The following IL1RAPL1 variants were observed in gnomAD, a reference collection of about 807,000 sequenced individuals.
IL1RAPL1 encodes the protein interleukin 1 receptor accessory protein like 1, also known as interleukin-1 receptor accessory protein-like 1.
IL1RAPL1 carries 3 observed loss-of-function variants against 48.4 expected under a neutral mutation model. That is an observed-to-expected ratio of 0.06 (90% CI 0.03 to 0.16). The LOEUF is 0.16. IL1RAPL1 is among the 10% of genes least tolerant of loss of function. The pLI is 1.00. For missense variants in IL1RAPL1, 349 were observed against 530.6 expected (o/e 0.66, Z 3.36); for synonymous variants, 185 against 187.7 (o/e 0.99, Z 0.12).
chrX:29,323,044 C>A (rs1932814787), intron 3 of IL1RAPL1, among the ~76,000 whole-genome samples: 1 of 112,090 alleles, frequency 8.9e-6, no homozygotes, highest in African/African-American at 3.2e-5. Context: ...TGATCACAGC[C>A]AACCTCACGT....
chrX:29,236,773 G>C (rs1931316319), intron 2 of IL1RAPL1, among the ~76,000 whole-genome samples: 1 of 102,227 alleles, frequency 9.8e-6, no homozygotes. Context: ...GTTTCACCGT[G>C]TTAGCCAGGA....
chrX:29,532,497 T>G (rs1369862336), intron 5 of IL1RAPL1, among the ~76,000 whole-genome samples: 3 of 111,656 alleles, frequency 2.7e-5, no homozygotes, highest in Non-Finnish European at 5.6e-5. Flanking sequence ...AGGTAGGGCC[T>G]CTGACACTAA....
At chrX:29,619,857 G>T (rs1173605982) in intron 5 of IL1RAPL1, among the ~76,000 whole-genome samples, 2 of 111,474 alleles carry the variant, frequency 1.8e-5, no homozygotes, top group Non-Finnish European at 3.8e-5. Flanking sequence ...TACATTTTCT[G>T]AAAGGCTTCC....
intron 6 of IL1RAPL1, among the ~76,000 whole-genome samples, chrX:29,802,899 ATATGTGTATATATGTG>A (rs1569173077): frequency 3.6e-4 from 22 of 60,964 alleles, no homozygotes; most frequent in African/African-American, 1.6e-3. Flanking sequence ...GTATACATAT[ATATGTGTATATATGTG>A]TACATATATA....
chrX:29,274,373 G>A (rs954517952), intron 2 of IL1RAPL1, among the ~76,000 whole-genome samples: 18 of 110,621 alleles, frequency 1.6e-4, no homozygotes, highest in African/African-American at 6.1e-4. Flanking sequence ...AATAGACTTG[G>A]CATCACTTAA....
intron 2 of IL1RAPL1, among the ~76,000 whole-genome samples, chrX:28,970,661 A>G (rs1031319989): frequency 1.1e-4 from 12 of 111,926 alleles, no homozygotes; most frequent in African/African-American, 3.9e-4. Context: ...ACAAAAAGCA[A>G]CAACAGCATT....
chrX:29,756,664 C>T (rs1033260319), intron 6 of IL1RAPL1, among the ~76,000 whole-genome samples: 2 of 111,777 alleles, frequency 1.8e-5, no homozygotes, highest in African/African-American at 3.3e-5. Context: ...CCACCCATCT[C>T]GGCCTCCCAA....
chrX:29,472,648 TCTGGACA>T (rs1363764767), intron 5 of IL1RAPL1, among the ~76,000 whole-genome samples: 3 of 111,793 alleles, frequency 2.7e-5, no homozygotes, highest in Non-Finnish European at 5.6e-5. Flanking sequence ...AGTTAACAGC[TCTGGACA>T]CTGGCTGCCT....
At chrX:28,965,921 A>G (rs1257883330) in intron 2 of IL1RAPL1, among the ~76,000 whole-genome samples, 2 of 107,331 alleles carry the variant, frequency 1.9e-5, no homozygotes, top group Non-Finnish European at 3.9e-5. Context: ...TGTGCCTTTT[A>G]TTCTTGGGGC....
At chrX:29,289,496 A>G (rs1361947814) in intron 3 of IL1RAPL1, among the ~76,000 whole-genome samples, 1 of 112,274 alleles carries the variant, frequency 8.9e-6, no homozygotes, top group Non-Finnish European at 1.9e-5. Flanking sequence ...GAAAATATCA[A>G]CTAGAGTGAT....
intron 1 of IL1RAPL1, among the ~76,000 whole-genome samples, chrX:28,637,326 A>G (rs1364422691): frequency 9.0e-6 from 1 of 111,704 alleles, no homozygotes; most frequent in Non-Finnish European, 1.9e-5. Flanking sequence ...ACAACAAAAA[A>G]GGTTCTCAGA....
At chrX:29,217,637 A>G (rs1930895825) in intron 2 of IL1RAPL1, among the ~76,000 whole-genome samples, 1 of 111,702 alleles carries the variant, frequency 9.0e-6, no homozygotes, top group African/African-American at 3.3e-5. Context: ...AATATTACAC[A>G]TAAGTTAAAG....
chrX:29,310,634 AC>A (rs67610537), intron 3 of IL1RAPL1, among the ~76,000 whole-genome samples: 8,533 of 111,565 alleles, frequency 0.076, 833 homozygotes, highest in African/African-American at 0.26. Context: ...CACACACACA[AC>A]TTTAATTATA....
In IL1RAPL1 at chrX:29,885,169, G is replaced by A. The variant is rs956253913; in HGVS notation, c.779-32295G>A. ...GACCTTTGTACTCACTGCCTGCAAT[G>A]AATGCCTGCAATAACACATCCTCCT... is the stretch of plus-strand genomic sequence containing the variant. On this transcript the variant is annotated intron_variant, in intron 6 of 10. Coordinates refer to ENST00000378993, the MANE Select transcript of IL1RAPL1 (RefSeq NM_014271.4). Among the ~76,000 whole-genome samples, 23 of 111,630 alleles carry A rather than the reference G, an allele frequency of 2.1e-4. 1 individual carries two copies. The highest frequency in any genetic ancestry group is 7.2e-4 in the African/African-American group (22 of 30,715).
chrX:29,188,176 T>C (rs112130272), intron 2 of IL1RAPL1, among the ~76,000 whole-genome samples: 128 of 112,142 alleles, frequency 1.1e-3, no homozygotes, highest in African/African-American at 4.0e-3. Flanking sequence ...CTCCTCTGTG[T>C]CTTTACAATG....
chrX:29,595,411 A>AT (rs1300351866), intron 5 of IL1RAPL1, among the ~76,000 whole-genome samples: 5 of 110,860 alleles, frequency 4.5e-5, no homozygotes, highest in Non-Finnish European at 9.5e-5. Context: ...TTATTTTTTG[A>AT]TTTTTTTGAT....
At chrX:28,598,174 AATAAG>A (rs1933978348) in intron 1 of IL1RAPL1, among the ~76,000 whole-genome samples, 1 of 112,503 alleles carries the variant, frequency 8.9e-6, no homozygotes, top group South Asian at 3.7e-4. Context: ...TACATTCAGT[AATAAG>A]ATAATAGGAT....
At chrX:29,286,539 A>T (rs1211525173) in intron 3 of IL1RAPL1, among the ~76,000 whole-genome samples, 3 of 110,330 alleles carry the variant, frequency 2.7e-5, no homozygotes, top group Admixed American at 9.7e-5. Flanking sequence ...CTGTTTAAAA[A>T]TTAGCCTGGT....
chrX:29,728,207 A>G (rs933688828), intron 6 of IL1RAPL1, among the ~76,000 whole-genome samples: 1 of 111,447 alleles, frequency 9.0e-6, no homozygotes, highest in Admixed American at 9.5e-5. Context: ...AAGTGCTGGG[A>G]TTACAGACGT....
Sources: gnomAD v4.1 joint callset for allele counts (sites outside exome capture counted in the v4.1 genomes callset) on GRCh38, gnomAD v4.1.1 for gene constraint, MANE v1.5 for transcripts, NCBI Gene and HGNC (gene_info 2026-07-23, HGNC 2026-07-21) for gene names.